The following CEP250 variants were observed in gnomAD, a reference collection of about 807,000 sequenced individuals.
CEP250 encodes the protein centrosomal protein 250, also known as centrosome-associated protein CEP250.
A neutral mutation model predicts 315.7 loss-of-function variants in CEP250; 242 were observed. That is an observed-to-expected ratio of 0.77 (90% CI 0.69 to 0.85). CEP250 has a LOEUF of 0.85. Ranked by LOEUF, CEP250 falls within the 40% of genes least tolerant of loss-of-function variation. The probability of loss-of-function intolerance (pLI) is 0.00; values close to 1 mark genes in which losing one functional copy is unlikely to be tolerated. For missense variants in CEP250, 2,515 were observed against 2,886.4 expected, an observed-to-expected ratio of 0.87 and a Z score of 2.95; for synonymous variants, 1,088 against 1,175.0, an observed-to-expected ratio of 0.93 and a Z score of 1.51.
chr20:35,463,062 A>G (rs1330146269), intron 4 of CEP250, among the ~76,000 whole-genome samples: 2 of 152,174 alleles, frequency 1.3e-5, no homozygotes, highest in Non-Finnish European at 2.9e-5. Flanking sequence ...TTATTTATTT[A>G]TTTATTTTTG....
At position 35,477,871 on chromosome 20, in the gene CEP250, T is replaced by A; in HGVS notation, c.1864T>A (p.Leu622Ile). 6.3e-7 allele frequency: 1 copy of A among 1,575,414 alleles called. No homozygotes were observed. ...ACTCCCTTCCCTTTTTGGCCAGTAG[T>A]TAGAGGAGGAGAACCAGTCTGTGTG... ...KVGLNQQLLQ[L>I]EEENQSVCSR... The change falls in exon 17 of 35, where the codon TTA becomes ATA. Residue 622 changes from leucine (L) to isoleucine (I), a missense_variant and splice_region_variant. Physicochemically the swap from Leu to Ile is conservative, Grantham distance 5. Coordinates refer to ENST00000397527, the MANE Select transcript of CEP250 (RefSeq NM_007186.6).
chr20:35,473,280 C>A, intron 12 of CEP250, 94 bp from the exon 13 acceptor site: 2 of 1,088,286 alleles, frequency 1.8e-6, no homozygotes, highest in Non-Finnish European at 2.7e-6. Flanking sequence ...GTTGCACCAG[C>A]CCCCGACCCC....
At position 35,465,805 on chromosome 20, in the gene CEP250, A is replaced by G. The variant is rs371654367; in HGVS notation, c.306A>G (p.Arg102=). The change falls in exon 6 of 35, where the codon CGA becomes CGG. Residue 102 remains arginine (R), a synonymous_variant. Coordinates refer to ENST00000397527, the MANE Select transcript of CEP250 (RefSeq NM_007186.6). ...CAAACCTGGATGAGCTGCTGGTCCG[A>G]TTGGAGGAGGAGCAACAGAGGTGAT... ...EEPNLDELLV[R]LEEEQQRCES... is the part of the protein sequence containing the mutation. 3 of 1,609,522 alleles carry G rather than the reference A, an allele frequency of 1.9e-6. No individual in the cohort carries two copies. The highest frequency in any genetic ancestry group is 1.3e-5 in the African/African-American group (1 of 74,832).
chr20:35,508,482 T>C (rs1424396662), intron 32 of CEP250, among the ~76,000 whole-genome samples: 1 of 152,020 alleles, frequency 6.6e-6, no homozygotes, highest in Non-Finnish European at 1.5e-5. Context: ...GCCTGGCTAA[T>C]TGTTGTATTT....
At chr20:35,481,790 C>G (rs1270262952) in intron 20 of CEP250, among the ~76,000 whole-genome samples, 1 of 152,128 alleles carries the variant, frequency 6.6e-6, no homozygotes, top group Non-Finnish European at 1.5e-5. Flanking sequence ...GCAGCCTTGG[C>G]CTCCTGGGCT....
At chr20:35,505,070 GC>G in intron 30 of CEP250, 65 bp downstream of exon 30, 2 of 1,400,316 alleles carry the variant, frequency 1.4e-6, no homozygotes, top group Non-Finnish European at 1.9e-6. Flanking sequence ...CTCAGGGACT[GC>G]CCACCACCCT....
At chr20:35,468,052 C>G (rs373727411) in intron 9 of CEP250, among the ~76,000 whole-genome samples, 9 of 149,100 alleles carry the variant, frequency 6.0e-5, no homozygotes, top group African/African-American at 2.0e-4. Context: ...TCAAGTGACT[C>G]CCCTGCCTCA....
Position 35,511,349 on chromosome 20 carries a change from TTC to T in CEP250, c.7066-13_7066-12del. 1.9e-6 allele frequency: 3 copies of T among 1,578,632 alleles called. No individual in the cohort carries two copies. The highest frequency in any genetic ancestry group is 1.8e-5 in the Admixed American group (1 of 55,646). On this transcript the variant is annotated splice_polypyrimidine_tract_variant and intron_variant, in intron 34 of 34. Transcript: ENST00000397527. ...CAGCTGCTCTCGCTTTTTTTTTTTT[TTC>T]CTGCCCACCAGGTGGTCCTGCTGCA...
intron 20 of CEP250, 88 bp downstream of exon 20, chr20:35,480,233 G>C: frequency 7.5e-7 from 1 of 1,341,170 alleles, no homozygotes; most frequent in South Asian, 1.5e-5. Context: ...GCTCGTATGA[G>C]TGAAATTTTG....
intron 33 of CEP250, among the ~76,000 whole-genome samples, chr20:35,509,461 A>G (rs1349168115): frequency 1.3e-5 from 2 of 152,174 alleles, no homozygotes; most frequent in East Asian, 1.9e-4. Context: ...CTTAGGGTCC[A>G]TGGTCTTTCC....
At chr20:35,480,218 T>C (rs1032856896) in intron 20 of CEP250, 73 bp downstream of exon 20, 16 of 1,436,000 alleles carry the variant, frequency 1.1e-5, no homozygotes, top group African/African-American at 1.0e-4. Context: ...GGTCCAGTTA[T>C]TGCTGCTCGT....
intron 20 of CEP250, among the ~76,000 whole-genome samples, chr20:35,481,890 G>A (rs2063354347): frequency 6.6e-6 from 1 of 151,978 alleles, no homozygotes; most frequent in African/African-American, 2.4e-5. Flanking sequence ...GGTAGAGACA[G>A]GGTTTCACCA....
intron 24 of CEP250, among the ~76,000 whole-genome samples, 189 bp downstream of exon 24, chr20:35,494,846 G>A (rs138632296): frequency 6.6e-6 from 1 of 152,260 alleles, no homozygotes; most frequent in Non-Finnish European, 1.5e-5. Context: ...TAAATATTTC[G>A]TGAACGCCTG....
Position 35,478,093 on chromosome 20 carries a change from CTAAG to C in CEP250, c.2088_2091del (p.Glu698HisfsTer36), listed in dbSNP as rs1731246223. 1 of 1,612,520 alleles carries C rather than the reference CTAAG, an allele frequency of 6.2e-7. No individual in the cohort carries two copies. Among genetic ancestry groups the C allele is most frequent in the Non-Finnish European group, 8.5e-7 (1 of 1,178,960 alleles). On this transcript the variant is annotated frameshift_variant, in exon 17 of 35. Coordinates refer to ENST00000397527, the MANE Select transcript of CEP250 (RefSeq NM_007186.6). LOFTEE classifies it high-confidence loss of function. The stretch of plus-strand genomic sequence containing the variant: ...AGAGAAGGAAGAAATTCAAAAGAAA[CTAAG>C]TGAGGTGAGAAGCCAAAATGGACAC...
chr20:35,493,274 C>T (rs1490698574), intron 22 of CEP250, among the ~76,000 whole-genome samples, 155 bp from the exon 23 acceptor site: 2 of 151,848 alleles, frequency 1.3e-5, no homozygotes, highest in Admixed American at 6.6e-5. Context: ...AGCCAGTGCA[C>T]TTTGTGAGGG....
At chr20:35,500,694 A>G (rs2063978631) in intron 28 of CEP250, among the ~76,000 whole-genome samples, 1 of 152,246 alleles carries the variant, frequency 6.6e-6, no homozygotes, top group South Asian at 2.1e-4. Flanking sequence ...TACAGGCGTG[A>G]GCCACTGCGC....
At chr20:35,480,861 C>T (rs572882827) in intron 20 of CEP250, among the ~76,000 whole-genome samples, 3 of 152,132 alleles carry the variant, frequency 2.0e-5, no homozygotes, top group South Asian at 4.2e-4. Flanking sequence ...GTGCAGGGTA[C>T]AGCTGTGAGC....
chr20:35,511,225 T>C, intron 34 of CEP250, 138 bp from the exon 35 acceptor site: 1 of 691,636 alleles, frequency 1.4e-6, no homozygotes, highest in Non-Finnish European at 2.4e-6. Flanking sequence ...CTACAGCCTG[T>C]TTCTGAGATT....
Position 35,504,418 on chromosome 20 carries a change from G to A in CEP250, c.6049G>A (p.Glu2017Lys). The change falls in exon 30 of 35, where the codon GAG becomes AAG. Residue 2017 changes from glutamate to lysine, a missense_variant. Coordinates refer to ENST00000397527, the MANE Select transcript of CEP250 (RefSeq NM_007186.6). ...CCAGGCACACAGTCGGCAGCTGGAG[G>A]AGGCTCTGAGGATACAAGAAGGTGA... ...ACQAHSRQLEEALRIQEGEIQ... is the reference protein window; with the variant it reads ...ACQAHSRQLEKALRIQEGEIQ... 6.2e-7 allele frequency: 1 copy of A among 1,608,694 alleles called. No homozygotes were observed. Among genetic ancestry groups the A allele is most frequent in the Non-Finnish European group, 8.5e-7 (1 of 1,177,566 alleles).
Sources: allele counts gnomAD v4.1 joint callset (sites outside exome capture counted in the v4.1 genomes callset), GRCh38; gene constraint gnomAD v4.1.1; transcripts MANE v1.5; gene names NCBI Gene and HGNC (gene_info 2026-07-23, HGNC 2026-07-21).